Variants in DOCK10 observed in about 807,000 individuals in gnomAD.
DOCK10 encodes dedicator of cytokinesis 10, also known as dedicator of cytokinesis protein 10.
A neutral mutation model predicts 280.1 loss-of-function variants in DOCK10; 145 were observed. That is an observed-to-expected ratio of 0.52 (90% confidence interval 0.45 to 0.59). DOCK10 has a LOEUF of 0.59. DOCK10 is among the 20% of genes least tolerant of loss of function. The pLI, the probability that DOCK10 is intolerant of heterozygous loss-of-function variation, is 0.00. For synonymous variants in DOCK10, 915 were observed against 942.2 expected, an observed-to-expected ratio of 0.97 and a Z score of 0.53; for missense variants, 2,368 against 2,651.7, an observed-to-expected ratio of 0.89 and a Z score of 2.35.
Position 224,770,630 on chromosome 2 carries a change from T to C in DOCK10, c.6220A>G (p.Met2074Val). ...TCAAGAAAAGCTCGTGCATAGGCCATTGGCCCAGCATTAACCTGTTGAGAA... is the reference window on the plus strand; with the variant it reads ...TCAAGAAAAGCTCGTGCATAGGCCACTGGCCCAGCATTAACCTGTTGAGAA... The part of the protein sequence containing the change: ...SVSVKVNAGP[M>V]AYARAFLEET... The change falls in exon 54 of 56, where the codon ATG becomes GTG. Residue 2074 changes from methionine to valine, a missense_variant. Physicochemically the swap from Met to Val is conservative, Grantham distance 21 (BLOSUM62 1). Coordinates refer to ENST00000258390, the MANE Select transcript of DOCK10 (RefSeq NM_014689.3). The surrounding 1 kb of genome is among the most constrained non-coding windows in gnomAD (Gnocchi z 4.5). The C allele has an allele frequency of 6.2e-7, 1 of 1,613,704 alleles. No homozygotes were observed. The highest frequency in any genetic ancestry group is 8.5e-7 in the Non-Finnish European group (1 of 1,179,594).
Position 224,787,154 on chromosome 2 carries a change from G to T in DOCK10, c.5542-19C>A, listed in dbSNP as rs1350628461. On this transcript the variant is annotated intron_variant, in intron 49 of 55. Transcript: ENST00000258390. ...ACAATTTCTGAAACCATAAGTGAAA[G>T]AGTTTCATGAAGATGATGCTGTCAT... 5 of 1,608,874 alleles carry T rather than the reference G, an allele frequency of 3.1e-6. No individual in the cohort carries two copies. The highest frequency in any genetic ancestry group is 2.7e-5 in the African/African-American group (2 of 74,836).
At chr2:224,955,818 G>A (rs1704004308) in intron 1 of DOCK10, among the ~76,000 whole-genome samples, 1 of 152,214 alleles carries the variant, frequency 6.6e-6, no homozygotes, top group Non-Finnish European at 1.5e-5. Flanking sequence ...CTGGGTATGT[G>A]TTCTGCACCT....
At chr2:225,041,270 A>G (rs1690416161) in intron 1 of DOCK10, among the ~76,000 whole-genome samples, 1 of 152,242 alleles carries the variant, frequency 6.6e-6, no homozygotes, top group Non-Finnish European at 1.5e-5. Flanking sequence ...CTGGCAAAAA[A>G]GAAAATGAAA....
intron 18 of DOCK10, among the ~76,000 whole-genome samples, chr2:224,850,440 C>A (rs1017980786): frequency 6.6e-6 from 1 of 152,148 alleles, no homozygotes; most frequent in Admixed American, 6.5e-5. Context: ...CAGTTACCAA[C>A]CCCAGGAAAA....
At chr2:224,901,778 C>T (rs1700314592) in intron 3 of DOCK10, among the ~76,000 whole-genome samples, 1 of 152,232 alleles carries the variant, frequency 6.6e-6, no homozygotes, top group South Asian at 2.1e-4. Flanking sequence ...TTCCATGATT[C>T]CACATGAGTG....
intron 1 of DOCK10, among the ~76,000 whole-genome samples, chr2:225,004,676 C>T (rs1200202387): frequency 6.6e-6 from 1 of 152,180 alleles, no homozygotes; most frequent in Admixed American, 6.5e-5. Context: ...GGCATGAAGC[C>T]ACATGTCGGC....
intron 1 of DOCK10, among the ~76,000 whole-genome samples, chr2:225,003,569 A>T (rs1320266626): frequency 3.3e-5 from 5 of 152,098 alleles, no homozygotes; most frequent in Non-Finnish European, 4.4e-5. Context: ...GACTGAATGA[A>T]CCTTTTGTTC....
At chr2:224,801,778 TG>T in intron 40 of DOCK10, 137 bp downstream of exon 40, 1 of 946,446 alleles carries the variant, frequency 1.1e-6, no homozygotes, top group Non-Finnish European at 1.6e-6. Flanking sequence ...AACCACTCCC[TG>T]GTGAGTCTTT....
intron 1 of DOCK10, among the ~76,000 whole-genome samples, chr2:224,963,401 A>T (rs1185148375): frequency 6.6e-6 from 1 of 152,236 alleles, no homozygotes; most frequent in East Asian, 1.9e-4. Flanking sequence ...AATGTGAATC[A>T]TGTGCCAAAA....
At chr2:224,931,697 C>T in intron 1 of DOCK10, 29 bp from the exon 2 acceptor site, 1 of 1,552,310 alleles carries the variant, frequency 6.4e-7, no homozygotes, top group Non-Finnish European at 8.7e-7. Context: ...TGGTATTAAT[C>T]ACTGACATAC....
At chr2:225,033,205 CA>C (rs1469126284) in intron 1 of DOCK10, among the ~76,000 whole-genome samples, 2 of 148,528 alleles carry the variant, frequency 1.3e-5, no homozygotes, top group African/African-American at 4.9e-5. Context: ...TTTTTTTTGA[CA>C]GAGTCTCACT....
intron 13 of DOCK10, 61 bp downstream of exon 13, chr2:224,864,492 A>C: frequency 6.9e-7 from 1 of 1,444,504 alleles, no homozygotes; most frequent in Non-Finnish European, 9.2e-7. Context: ...CCTGGGTGAC[A>C]GGGAGAGACT....
At position 224,856,961 on chromosome 2, in the gene DOCK10, C is replaced by A; in HGVS notation, c.1707G>T (p.Gln569His). The change falls in exon 15 of 56, where the codon CAG (glutamine) becomes CAT (histidine). Residue 569 changes from glutamine to histidine, a missense_variant. Around this residue, in one of 2 missense-constraint regions of DOCK10, gnomAD observed 1,209 missense variants for 1,250.9 expected, o/e 0.97. Transcript: ENST00000258390. ...WAVRSVFKDN[Q>H]GNVDRDSRFS... ...ATCTTGAGTCTCTGTCCACATTTCC[C>A]TGGTTGTCCTTAAATACTGATCTAA... 6.2e-7 allele frequency: 1 copy of A among 1,611,172 alleles called. No individual in the cohort carries two copies. Among genetic ancestry groups the A allele is most frequent in the Non-Finnish European group, 8.5e-7 (1 of 1,178,348 alleles).
intron 8 of DOCK10, among the ~76,000 whole-genome samples, chr2:224,875,023 G>C (rs971539593): frequency 2.0e-5 from 3 of 152,130 alleles, no homozygotes; most frequent in Non-Finnish European, 4.4e-5. Context: ...TATACTTGGG[G>C]TTGTCTTGAC....
At chr2:225,018,525 A>T (rs1470760165) in intron 1 of DOCK10, among the ~76,000 whole-genome samples, 2 of 36,306 alleles carry the variant, frequency 5.5e-5, no homozygotes, top group Non-Finnish European at 5.9e-5. Context: ...ATATATATAT[A>T]ATATATATGT....
Position 224,789,163 on chromosome 2 carries a change from G to A in DOCK10, c.5319C>T (p.Phe1773=), listed in dbSNP as rs749062697. The A allele has an allele frequency of 3.7e-6, 6 of 1,609,730 alleles. No homozygotes were observed. The South Asian group carries it at 6.6e-5, about 18-fold the overall frequency. ...LLTTPSGGSM[F]SMGWPAFLSI... ...TCAAAAAAGCTGGCCATCCCATAGA[G>A]AACATGCCTTGGGAGGACCAAGCAG... is the stretch of plus-strand genomic sequence containing the variant. Residue 1773 remains phenylalanine, a synonymous_variant, in exon 48 of 56, where the codon TTC becomes TTT. Coordinates refer to ENST00000258390, the MANE Select transcript of DOCK10 (RefSeq NM_014689.3).
intron 2 of DOCK10, among the ~76,000 whole-genome samples, chr2:224,920,236 CTT>C (rs377415968): frequency 0.28 from 34,745 of 126,042 alleles, 3,246 homozygotes; most frequent in African/African-American, 0.35. Context: ...CTAATTTTCA[CTT>C]TTTTTTTTTT....
At chr2:224,863,838 G>C (rs1473451011) in intron 13 of DOCK10, among the ~76,000 whole-genome samples, 1 of 152,218 alleles carries the variant, frequency 6.6e-6, no homozygotes, top group Non-Finnish European at 1.5e-5. Context: ...ATTACCTGTA[G>C]TTCCACCATT....
At chr2:224,956,990 T>C (rs1704076881) in intron 1 of DOCK10, among the ~76,000 whole-genome samples, 1 of 152,222 alleles carries the variant, frequency 6.6e-6, no homozygotes, top group Non-Finnish European at 1.5e-5. Context: ...GTCATGCTTG[T>C]CATGTCCCTC....
Sources: gnomAD v4.1 joint callset for allele counts (sites outside exome capture counted in the v4.1 genomes callset) on GRCh38, gnomAD v4.1.1 for gene constraint, gnomAD v4.1.1 regional missense constraint, Gnocchi (gnomAD v3.1) non-coding constraint, MANE v1.5 for transcripts, NCBI Gene and HGNC (gene_info 2026-07-23, HGNC 2026-07-21) for gene names.